Variants in EXOC6B observed in about 807,000 individuals in gnomAD.
EXOC6B encodes the protein exocyst complex component 6B.
In EXOC6B, 54 loss-of-function variants were observed where a neutral mutation model predicts 113.5. That is an observed-to-expected ratio of 0.48 (90% CI 0.38 to 0.60). The LOEUF is 0.60. Ranked by LOEUF, EXOC6B falls within the 20% of genes least tolerant of loss-of-function variation. The pLI, the probability that EXOC6B is intolerant of heterozygous loss-of-function variation, is 0.00. For missense variants in EXOC6B, 797 were observed against 977.5 expected, an observed-to-expected ratio of 0.82 and a Z score of 2.46; for synonymous variants, 357 against 339.0, an observed-to-expected ratio of 1.05 and a Z score of -0.58.
intron 5 of EXOC6B, among the ~76,000 whole-genome samples, chr2:72,730,684 A>G (rs10195520): frequency 0.049 from 7,395 of 151,788 alleles, 598 homozygotes; most frequent in African/African-American, 0.17. Flanking sequence ...AACCAGTACT[A>G]TTTTCTTCAA....
At chr2:72,438,692 C>T (rs1696026782) in intron 18 of EXOC6B, among the ~76,000 whole-genome samples, 1 of 152,128 alleles carries the variant, frequency 6.6e-6, no homozygotes, top group Non-Finnish European at 1.5e-5. Context: ...TTTCCTTACT[C>T]TTTTTGAAAT....
intron 6 of EXOC6B, among the ~76,000 whole-genome samples, chr2:72,671,787 G>GAAAA (rs1553464051): frequency 9.5e-6 from 1 of 104,850 alleles, no homozygotes; most frequent in Non-Finnish European, 1.9e-5. Context: ...AAGAAAGAAA[G>GAAAA]AAAGAAAGAA....
chr2:72,440,238 A>T (rs1206145496), intron 18 of EXOC6B, among the ~76,000 whole-genome samples: 1 of 152,152 alleles, frequency 6.6e-6, no homozygotes, highest in Non-Finnish European at 1.5e-5. Flanking sequence ...TTCTGTGCCC[A>T]GTTGGCTTTG....
chr2:72,805,470 T>C (rs1387557864), intron 1 of EXOC6B, among the ~76,000 whole-genome samples: 1 of 152,196 alleles, frequency 6.6e-6, no homozygotes. Flanking sequence ...TGGCAAAACA[T>C]ATAATTTTAC....
At chr2:72,220,188 G>A (rs902208538) in intron 20 of EXOC6B, among the ~76,000 whole-genome samples, 1 of 152,174 alleles carries the variant, frequency 6.6e-6, no homozygotes, top group African/African-American at 2.4e-5. Flanking sequence ...TTTATCTGCT[G>A]GCATTCGTAT....
At chr2:72,743,072 TC>T (rs1681432448) in intron 1 of EXOC6B, among the ~76,000 whole-genome samples, 1 of 152,132 alleles carries the variant, frequency 6.6e-6, no homozygotes, top group African/African-American at 2.4e-5. Context: ...TAGGAATGAC[TC>T]CTAATCTATC....
chr2:72,344,228 A>G (rs1689186888), intron 19 of EXOC6B, among the ~76,000 whole-genome samples: 1 of 151,090 alleles, frequency 6.6e-6, no homozygotes, highest in South Asian at 2.1e-4. Context: ...ATTTAGTCCA[A>G]TTTTCATTTG....
chr2:72,250,335 T>A (rs992177791), intron 20 of EXOC6B, among the ~76,000 whole-genome samples: 5 of 152,154 alleles, frequency 3.3e-5, no homozygotes, highest in South Asian at 4.1e-4. Flanking sequence ...ACATATTTTT[T>A]AAATTATAAT....
chr2:72,392,349 G>A (rs1692441429), intron 18 of EXOC6B, among the ~76,000 whole-genome samples: 1 of 152,194 alleles, frequency 6.6e-6, no homozygotes, highest in Admixed American at 6.5e-5. Context: ...GTGGCATTCA[G>A]TGCTAAGTTC....
intron 6 of EXOC6B, among the ~76,000 whole-genome samples, chr2:72,616,355 A>G (rs1671385172): frequency 6.6e-6 from 1 of 152,236 alleles, no homozygotes; most frequent in East Asian, 1.9e-4. Context: ...AGCTGGAGAC[A>G]TGACACTACC....
chr2:72,820,478 T>A (rs1318991579), intron 1 of EXOC6B, among the ~76,000 whole-genome samples: 2 of 152,108 alleles, frequency 1.3e-5, no homozygotes, highest in African/African-American at 4.8e-5. Context: ...GTCCCTAAAG[T>A]TATTTACCAA....
At chr2:72,648,295 G>A (rs1260439922) in intron 6 of EXOC6B, among the ~76,000 whole-genome samples, 1 of 152,216 alleles carries the variant, frequency 6.6e-6, no homozygotes, top group Non-Finnish European at 1.5e-5. Context: ...TGCTAGAGAG[G>A]ATGTGGATAA....
chr2:72,323,640 G>GA (rs1047438696), intron 20 of EXOC6B, among the ~76,000 whole-genome samples: 19 of 152,058 alleles, frequency 1.2e-4, no homozygotes, highest in African/African-American at 3.9e-4. Context: ...ATACACCATG[G>GA]AATACTATAT....
intron 20 of EXOC6B, among the ~76,000 whole-genome samples, chr2:72,219,021 T>C (rs1223973450): frequency 6.6e-6 from 1 of 151,426 alleles, no homozygotes; most frequent in Non-Finnish European, 1.5e-5. Flanking sequence ...ACAACCAATG[T>C]CTTAGTAACT....
chr2:72,816,199 T>C (rs1419555079), intron 1 of EXOC6B, among the ~76,000 whole-genome samples: 2 of 152,060 alleles, frequency 1.3e-5, no homozygotes, highest in Non-Finnish European at 2.9e-5. Context: ...CAATAAAAAA[T>C]GACCAATATT....
intron 18 of EXOC6B, among the ~76,000 whole-genome samples, chr2:72,395,439 G>A (rs553186476): frequency 6.6e-6 from 1 of 152,068 alleles, no homozygotes; most frequent in Non-Finnish European, 1.5e-5. Flanking sequence ...TTGAGCTAAA[G>A]TATCCTGTAG....
At chr2:72,770,151 T>C (rs1269270895) in intron 1 of EXOC6B, among the ~76,000 whole-genome samples, 2 of 151,976 alleles carry the variant, frequency 1.3e-5, no homozygotes, top group Non-Finnish European at 2.9e-5. Context: ...TAAAAAAGAA[T>C]GTCAATGAAG....
intron 18 of EXOC6B, among the ~76,000 whole-genome samples, chr2:72,384,584 T>C (rs1691884033): frequency 6.6e-6 from 1 of 152,126 alleles, no homozygotes; most frequent in Non-Finnish European, 1.5e-5. Flanking sequence ...TGTTCACTAA[T>C]TGTTTGAAAA....
At chr2:72,587,384 G>C (rs954594990) in intron 6 of EXOC6B, among the ~76,000 whole-genome samples, 1 of 152,072 alleles carries the variant, frequency 6.6e-6, no homozygotes, top group South Asian at 2.1e-4. Flanking sequence ...TGGACATAAA[G>C]ATGGCAACAA....
Sources: gnomAD v4.1 joint callset for allele counts (sites outside exome capture counted in the v4.1 genomes callset) on GRCh38, gnomAD v4.1.1 for gene constraint, MANE v1.5 for transcripts, NCBI Gene and HGNC (gene_info 2026-07-23, HGNC 2026-07-21) for gene names.